Variants in ENPP3 observed in about 807,000 individuals in gnomAD.
ENPP3 encodes ectonucleotide pyrophosphatase/phosphodiesterase family member 3.
In ENPP3, 104 loss-of-function variants were observed where a neutral mutation model predicts 117.8. The observed-to-expected ratio is 0.88, with a 90% CI of 0.75 to 1.04. The LOEUF is 1.04. ENPP3 is among the 50% of genes least tolerant of loss of function. The probability of loss-of-function intolerance (pLI) is 0.00; values close to 1 mark genes in which losing one functional copy is unlikely to be tolerated. For missense variants in ENPP3, 1,026 were observed against 1,051.9 expected, an observed-to-expected ratio of 0.98 and a Z score of 0.34; for synonymous variants, 380 against 349.9, an observed-to-expected ratio of 1.09 and a Z score of -0.96.
chr6:131,671,305 C>A lies in ENPP3; in HGVS notation c.620C>A (p.Pro207Gln). The A allele has an allele frequency of 6.2e-7, 1 of 1,601,862 alleles. No homozygotes were observed. The highest frequency in any genetic ancestry group is 8.6e-7 in the Non-Finnish European group (1 of 1,168,912). The change falls in exon 7 of 25, where the codon CCA (proline) becomes CAA (glutamine). Residue 207 changes from proline (P) to glutamine (Q), a missense_variant. Transcript: ENST00000357639. ...GCTATGTATCCTACCAAAACCTTCC[C>A]AAATCATTACACCATTGTCACGGTA... ...MRAMYPTKTF[P>Q]NHYTIVTGLY...
intron 11 of ENPP3, among the ~76,000 whole-genome samples, chr6:131,678,602 G>T (rs1778923071): frequency 1.3e-5 from 2 of 152,190 alleles, no homozygotes; most frequent in Non-Finnish European, 2.9e-5. Context: ...CCATGAATGT[G>T]GCATTTCCCC....
At chr6:131,698,195 A>C (rs1366719879) in intron 15 of ENPP3, among the ~76,000 whole-genome samples, 1 of 152,054 alleles carries the variant, frequency 6.6e-6, no homozygotes, top group Non-Finnish European at 1.5e-5. Context: ...CAAGGGGCTT[A>C]TTAGAACCTA....
At chr6:131,665,948 T>G (rs1055781512) in intron 6 of ENPP3, among the ~76,000 whole-genome samples, 2 of 152,184 alleles carry the variant, frequency 1.3e-5, no homozygotes, top group Non-Finnish European at 2.9e-5. Flanking sequence ...CTCCTTTGAT[T>G]TCTTCTTTGA....
rs71030754 is a variant in ENPP3, at chr6:131,717,351, GGTGTGTGTGTGT to G, written c.1413-1278_1413-1267del. Among the ~76,000 whole-genome samples the G allele has an allele frequency of 2.2e-3, 200 of 89,422 alleles. 2 individuals are homozygous for G. The highest frequency in any genetic ancestry group is 0.015 in the Middle Eastern group (3 of 194). The allele number at this position is 89,422 out of a possible 152,430, so 58.7% of individuals were successfully genotyped here. On this transcript the variant is annotated intron_variant, in intron 15 of 24. Transcript: ENST00000357639. ...AAAAACAAACAGAAACCCTGCGGGG[GGTGTGTGTGTGT>G]GTGTGTGTGTGTGTGTGTGTGTGTG...
At chr6:131,681,663 A>G (rs1223498375) in intron 11 of ENPP3, among the ~76,000 whole-genome samples, 1 of 152,240 alleles carries the variant, frequency 6.6e-6, no homozygotes, top group Non-Finnish European at 1.5e-5. Context: ...TACTATTTAG[A>G]GACAACCACT....
rs1272437157 is a variant in ENPP3 at position 131,733,645 on chromosome 6, G to T, written c.2011G>T (p.Val671Phe). 1 of 1,614,108 alleles carries T rather than the reference G, an allele frequency of 6.2e-7. No homozygotes were observed. The highest frequency in any genetic ancestry group is 8.5e-7 in the Non-Finnish European group (1 of 1,179,992). Residue 671 changes from valine to phenylalanine, a missense_variant, in exon 21 of 25, where the codon GTT becomes TTT. Val to Phe is a conservative substitution (Grantham distance 50). Coordinates refer to ENST00000357639, the MANE Select transcript of ENPP3 (RefSeq NM_005021.5). ...AGACTGTCTGCGGGCTGATGTCAGG[G>T]TTCCTCCTTCTGAGAGCCAAAAATG... is the stretch of plus-strand genomic sequence containing the variant. Reference protein sequence around the residue: ...VPDCLRADVRVPPSESQKCSF... With the variant: ...VPDCLRADVRFPPSESQKCSF...
At chr6:131,732,832 C>T (rs574782871) in intron 20 of ENPP3, among the ~76,000 whole-genome samples, 18 of 151,522 alleles carry the variant, frequency 1.2e-4, no homozygotes, top group South Asian at 4.2e-4. Flanking sequence ...CCGGTTCAAG[C>T]GATTCTCCTG....
At chr6:131,729,028 A>G (rs1379902281) in intron 20 of ENPP3, among the ~76,000 whole-genome samples, 1 of 152,130 alleles carries the variant, frequency 6.6e-6, no homozygotes, top group Admixed American at 6.5e-5. Context: ...AATCTAGTGT[A>G]CTTTGAAAAA....
At chr6:131,710,829 A>G in intron 15 of ENPP3, 1 of 1,613,344 alleles carries the variant, frequency 6.2e-7, no homozygotes, top group Non-Finnish European at 8.5e-7. Context: ...TAACCGATCT[A>G]AAACTTCTCC....
chr6:131,669,364 G>C lies in ENPP3; in HGVS notation c.563-1884G>C, dbSNP rs544291970. Among the ~76,000 whole-genome samples the C allele has an allele frequency of 1.5e-3, 233 of 151,908 alleles. 1 individual carries two copies. Among genetic ancestry groups the C allele is most frequent in the Non-Finnish European group, 2.9e-3 (199 of 67,924 alleles). ...AACTTAAATACATTAGGATGACCTG[G>C]GCTGCTTGTTAAGAATGTAAATTTT... is the stretch of plus-strand genomic sequence containing the variant. On this transcript the variant is annotated intron_variant, in intron 6 of 24. Coordinates refer to ENST00000357639, the MANE Select transcript of ENPP3 (RefSeq NM_005021.5).
At chr6:131,732,599 G>T (rs1780304802) in intron 20 of ENPP3, among the ~76,000 whole-genome samples, 2 of 151,544 alleles carry the variant, frequency 1.3e-5, no homozygotes, top group Admixed American at 1.3e-4. Context: ...TTTTAGTAGA[G>T]ATGGGGTTTC....
At chr6:131,677,331 A>C (rs1006220965) in intron 10 of ENPP3, among the ~76,000 whole-genome samples, 14 of 152,196 alleles carry the variant, frequency 9.2e-5, no homozygotes, top group African/African-American at 3.4e-4. Flanking sequence ...CCAGCACCAG[A>C]GATCAGAGGC....
At chr6:131,728,474 C>T (rs1780204104) in intron 20 of ENPP3, among the ~76,000 whole-genome samples, 1 of 151,770 alleles carries the variant, frequency 6.6e-6, no homozygotes, top group Non-Finnish European at 1.5e-5. Context: ...AAGTTCCTGT[C>T]CTTTCACTGA....
chr6:131,710,984 G>C lies in ENPP3; in HGVS notation c.1413-7688G>C, dbSNP rs1779774433. On this transcript the variant is annotated intron_variant, in intron 15 of 24. Transcript: ENST00000357639. ...CCTAGCTCCTCCAGGACCAGCCCCA[G>C]GTAGGGCTGAGGGGTAGCACCAGGC... The C allele has an allele frequency of 4.4e-6, 7 of 1,575,494 alleles. 1 individual carries two copies. The East Asian group carries it at 1.7e-4, about 37-fold the overall frequency.
At chr6:131,739,865 G>A (rs1780488990) in intron 23 of ENPP3, among the ~76,000 whole-genome samples, 1 of 150,912 alleles carries the variant, frequency 6.6e-6, no homozygotes, top group Non-Finnish European at 1.5e-5. Context: ...GAGCCCAGGA[G>A]TTTAAGACCA....
At chr6:131,668,247 CT>C (rs1778662043) in intron 6 of ENPP3, among the ~76,000 whole-genome samples, 1 of 114,092 alleles carries the variant, frequency 8.8e-6, no homozygotes, top group African/African-American at 3.5e-5. Flanking sequence ...GAGTCTTGCT[CT>C]GTCGCCGAGG....
intron 20 of ENPP3, among the ~76,000 whole-genome samples, chr6:131,733,163 T>C (rs768917428): frequency 2.1e-4 from 32 of 152,208 alleles, no homozygotes; most frequent in Non-Finnish European, 4.4e-4. Context: ...TAAAAAGTTC[T>C]TGAACAGCTG....
At chr6:131,737,137 G>A (rs1780413517) in intron 21 of ENPP3, among the ~76,000 whole-genome samples, 1 of 152,178 alleles carries the variant, frequency 6.6e-6, no homozygotes, top group South Asian at 2.1e-4. Flanking sequence ...AGGGATGAAA[G>A]GAATGGTTAG....
intron 24 of ENPP3, 122 bp downstream of exon 24, chr6:131,740,502 C>A (rs1780505965): frequency 3.3e-6 from 2 of 614,262 alleles, no homozygotes; most frequent in African/African-American, 1.9e-5. Flanking sequence ...AGTTATAACA[C>A]AAATGACTTC....
Sources: gnomAD v4.1 joint callset for allele counts (sites outside exome capture counted in the v4.1 genomes callset) on GRCh38, gnomAD v4.1.1 for gene constraint, MANE v1.5 for transcripts, NCBI Gene and HGNC (gene_info 2026-07-23, HGNC 2026-07-21) for gene names.